The following PTPRA variants were observed in gnomAD, a reference collection of about 807,000 sequenced individuals.
PTPRA encodes the protein receptor-type tyrosine-protein phosphatase alpha.
PTPRA carries 25 observed loss-of-function variants against 104.8 expected under a neutral mutation model. That is an observed-to-expected ratio of 0.24 (90% CI 0.17 to 0.33). The LOEUF (loss-of-function observed/expected upper bound fraction) is 0.33. PTPRA is among the 10% of genes least tolerant of loss of function. The probability of loss-of-function intolerance (pLI) is 1.00; values close to 1 mark genes in which losing one functional copy is unlikely to be tolerated. For missense variants in PTPRA, 765 were observed against 1,015.3 expected (o/e 0.75, Z 3.35); for synonymous variants, 323 against 368.9 (o/e 0.88, Z 1.43).
intron 6 of PTPRA, among the ~76,000 whole-genome samples, chr20:2,985,896 TTTGTTTG>T (rs1407366189): frequency 2.3e-4 from 35 of 150,280 alleles, no homozygotes; most frequent in Non-Finnish European, 5.0e-4. Context: ...TGTTTGTTTG[TTTGTTTG>T]TTTGTTTGTT....
At chr20:2,986,321 T>C (rs748132558) in intron 6 of PTPRA, among the ~76,000 whole-genome samples, 4 of 152,188 alleles carry the variant, frequency 2.6e-5, no homozygotes, top group African/African-American at 4.8e-5. Flanking sequence ...ATGGAACCCA[T>C]TGAGGCTGAG....
At chr20:2,984,126 T>C (rs962439) in intron 6 of PTPRA, among the ~76,000 whole-genome samples, 3,529 of 151,950 alleles carry the variant, frequency 0.023, 119 homozygotes, top group African/African-American at 0.067. Flanking sequence ...CATTTTAAGG[T>C]GAGAGCCACA....
intron 3 of PTPRA, among the ~76,000 whole-genome samples, chr20:2,960,688 C>T (rs2061723120): frequency 6.6e-6 from 1 of 151,964 alleles, no homozygotes; most frequent in South Asian, 2.1e-4. Flanking sequence ...ACACACACAC[C>T]ACCATGCCCA....
intron 20 of PTPRA, among the ~76,000 whole-genome samples, chr20:3,030,834 C>T (rs1568709206): frequency 6.6e-6 from 1 of 151,896 alleles, no homozygotes; most frequent in Non-Finnish European, 1.5e-5. Flanking sequence ...TACAGGCATG[C>T]ACTACCATGC....
intron 19 of PTPRA, 88 bp from the exon 20 acceptor site, chr20:3,027,619 T>A (rs1490772158): frequency 6.6e-7 from 1 of 1,512,488 alleles, no homozygotes; most frequent in African/African-American, 1.4e-5. Context: ...CTCCGAGCAG[T>A]CCCCATTCCC....
At chr20:3,027,598 G>A in intron 19 of PTPRA, 109 bp from the exon 20 acceptor site, 3 of 1,421,042 alleles carry the variant, frequency 2.1e-6, no homozygotes, top group African/African-American at 1.4e-5. Flanking sequence ...CTCTGCATGG[G>A]CTGAGTTTGC....
intron 2 of PTPRA, among the ~76,000 whole-genome samples, chr20:2,935,309 C>T (rs755507554): frequency 1.8e-4 from 28 of 152,142 alleles, no homozygotes; most frequent in Admixed American, 3.9e-4. Context: ...CATGTTATCA[C>T]AAATGACAGA....
upstream of PTPRA, among the ~76,000 whole-genome samples, chr20:2,870,706 G>C (rs1194821483): frequency 6.6e-6 from 1 of 152,212 alleles, no homozygotes; most frequent in Admixed American, 6.5e-5. Flanking sequence ...AGAAACAGGA[G>C]TCCTTTCCCC....
At chr20:2,969,578 G>A (rs1476346057) in intron 5 of PTPRA, among the ~76,000 whole-genome samples, 1 of 147,232 alleles carries the variant, frequency 6.8e-6, no homozygotes, top group Non-Finnish European at 1.5e-5. Flanking sequence ...AAATAGGCCG[G>A]GCGCGGCGGC....
chr20:2,943,029 A>G (rs1381140529), intron 2 of PTPRA, among the ~76,000 whole-genome samples: 1 of 151,708 alleles, frequency 6.6e-6, no homozygotes, highest in African/African-American at 2.4e-5. Flanking sequence ...TTTTGGATTG[A>G]TAGACTTTTT....
chr20:2,910,594 T>C (rs1568650162), intron 1 of PTPRA, among the ~76,000 whole-genome samples: 1 of 127,194 alleles, frequency 7.9e-6, no homozygotes, highest in Non-Finnish European at 1.6e-5. Context: ...TTTTTGTTTT[T>C]TTTTTGTTTT....
At chr20:2,942,441 G>A (rs1052391204) in intron 2 of PTPRA, among the ~76,000 whole-genome samples, 1 of 151,726 alleles carries the variant, frequency 6.6e-6, no homozygotes, top group African/African-American at 2.4e-5. Context: ...ATATCCTTAA[G>A]CTTAAAAATG....
At chr20:2,947,571 C>T (rs2061181784) in intron 2 of PTPRA, among the ~76,000 whole-genome samples, 1 of 152,142 alleles carries the variant, frequency 6.6e-6, no homozygotes, top group Non-Finnish European at 1.5e-5. Context: ...GTTTTCTAGG[C>T]TTTCATCACT....
chr20:3,026,807 C>T (rs1259205278), intron 18 of PTPRA, 27 bp downstream of exon 18: 2 of 1,532,322 alleles, frequency 1.3e-6, no homozygotes, highest in Non-Finnish European at 1.8e-6. Context: ...CACTCCAAAG[C>T]CTTATTGCCC....
chr20:2,877,929 G>A (rs1050592845), intron 1 of PTPRA, among the ~76,000 whole-genome samples: 2 of 151,924 alleles, frequency 1.3e-5, no homozygotes, highest in Non-Finnish European at 2.9e-5. Flanking sequence ...GAGGCAGGTG[G>A]ATCATGAGGT....
intron 9 of PTPRA, among the ~76,000 whole-genome samples, chr20:2,988,941 T>G (rs2063023461): frequency 6.6e-6 from 1 of 152,230 alleles, no homozygotes; most frequent in South Asian, 2.1e-4. Context: ...GTTGCCTTTT[T>G]GAGTCTAGAG....
At chr20:2,948,841 G>T (rs568091342) in intron 3 of PTPRA, among the ~76,000 whole-genome samples, 2 of 152,086 alleles carry the variant, frequency 1.3e-5, no homozygotes, top group African/African-American at 4.8e-5. Flanking sequence ...AGTCCCAGCT[G>T]CTGGGGAGGC....
intron 17 of PTPRA, 88 bp downstream of exon 17, chr20:3,024,709 G>A (rs2065047524): frequency 1.3e-6 from 2 of 1,501,926 alleles, no homozygotes; most frequent in Non-Finnish European, 1.8e-6. Flanking sequence ...TTTGCCAACA[G>A]TAAATCCCCT....
intron 5 of PTPRA, among the ~76,000 whole-genome samples, chr20:2,974,290 C>G (rs544924793): frequency 6.6e-6 from 1 of 152,040 alleles, no homozygotes; most frequent in African/African-American, 2.4e-5. Context: ...TCACTCTGCC[C>G]CCCTTCTGGA....
Sources: gnomAD v4.1 joint callset for allele counts (sites outside exome capture counted in the v4.1 genomes callset) on GRCh38, gnomAD v4.1.1 for gene constraint, MANE v1.5 for transcripts, NCBI Gene and HGNC (gene_info 2026-07-23, HGNC 2026-07-21) for gene names.